The following PRDM2 variants were observed in gnomAD, a reference collection of about 807,000 sequenced individuals.
PRDM2 encodes PR/SET domain 2, also known as PR domain zinc finger protein 2.
Under a neutral mutation model 130.0 loss-of-function variants are expected in PRDM2, and 30 were observed. The ratio of observed to expected loss-of-function variants is 0.23; its 90% CI spans 0.17 to 0.31. The LOEUF (loss-of-function observed/expected upper bound fraction) is 0.31. Ranked by LOEUF, PRDM2 falls within the 10% of genes least tolerant of loss-of-function variation. PRDM2 has a pLI of 1.00. For synonymous variants in PRDM2, 871 were observed against 782.4 expected (o/e 1.11, Z -1.89); for missense variants, 2,011 against 2,108.4 (o/e 0.95, Z 0.90).
chr1:13,761,052 C>T (rs1390358397), intron 6 of PRDM2, among the ~76,000 whole-genome samples: 1 of 152,248 alleles, frequency 6.6e-6, no homozygotes, highest in East Asian at 1.9e-4. Flanking sequence ...CTGCTTCTCT[C>T]TTAAAAGCTG....
chr1:13,711,162 T>C (rs1642359536), intron 1 of PRDM2, among the ~76,000 whole-genome samples: 1 of 152,158 alleles, frequency 6.6e-6, no homozygotes, highest in African/African-American at 2.4e-5. Flanking sequence ...TCTCTGCCTC[T>C]GCACTGCTGG....
rs764302540 is a variant in PRDM2, at chr1:13,823,429, T to A, written c.*294T>A. 16 of 550,946 alleles carry A rather than the reference T, an allele frequency of 2.9e-5. No individual in the cohort carries two copies. The highest frequency in any genetic ancestry group is 5.2e-5 in the Non-Finnish European group (16 of 307,926). The allele number at this position is 550,946 out of a possible 1,614,324, so 34.1% of individuals were successfully genotyped here. ...GGATGCAGCTCTTGGGACCGTGTTC[T>A]GCAGCCCAGCCTTCCTGTTGGGGTG... On this transcript the variant is annotated 3_prime_UTR_variant, in exon 10 of 10. Coordinates refer to ENST00000311066, the MANE Select transcript of PRDM2 (RefSeq NM_001393986.1).
At chr1:13,766,209 C>G (rs1026688602) in intron 6 of PRDM2, among the ~76,000 whole-genome samples, 7 of 152,138 alleles carry the variant, frequency 4.6e-5, no homozygotes, top group African/African-American at 1.7e-4. Context: ...ATGCTTTTGT[C>G]AAAGCCTTTC....
At chr1:13,717,550 A>G (rs932170725) in intron 2 of PRDM2, 1 of 523,280 alleles carries the variant, frequency 1.9e-6, no homozygotes, top group Non-Finnish European at 2.5e-6. Context: ...ATTCTTGTAC[A>G]GTATTAGACT....
At chr1:13,746,232 G>T (rs1009455655) in intron 5 of PRDM2, among the ~76,000 whole-genome samples, 1 of 151,628 alleles carries the variant, frequency 6.6e-6, no homozygotes, top group African/African-American at 2.4e-5. Context: ...AAAAGAGGTT[G>T]TTTGGTCTTT....
rs757208694 is a variant in PRDM2, at chr1:13,782,045, T to G, written c.4250T>G (p.Leu1417Arg). The G allele has an allele frequency of 3.7e-5, 59 of 1,613,636 alleles. No homozygotes were observed. Among genetic ancestry groups the G allele is most frequent in the Non-Finnish European group, 4.7e-5 (55 of 1,179,964 alleles). The change falls in exon 8 of 10, where the codon CTC (leucine) becomes CGC (arginine). Residue 1417 changes from leucine (L) to arginine (R), a missense_variant. By Grantham distance (102) the Leu-to-Arg change is moderately radical. Transcript: ENST00000311066. ...CTCAGCAAAATGTCGTCGAATAAGC[T>G]CAAATTAAATGCATTGAAGAAAAAA... is the stretch of plus-strand genomic sequence containing the variant. ...VELSKMSSNK[L>R]KLNALKKKNQ...
At chr1:13,710,147 T>G (rs767476366) in intron 1 of PRDM2, among the ~76,000 whole-genome samples, 23 of 152,246 alleles carry the variant, frequency 1.5e-4, no homozygotes, top group Admixed American at 2.0e-4. Context: ...AGTTTAAGTG[T>G]TACATGCATT....
At chr1:13,774,072 G>A (rs1259215743) in intron 7 of PRDM2, among the ~76,000 whole-genome samples, 1 of 152,144 alleles carries the variant, frequency 6.6e-6, no homozygotes, top group Admixed American at 6.5e-5. Flanking sequence ...GTCTCTTCGT[G>A]TTTGTCCCCT....
intron 8 of PRDM2, among the ~76,000 whole-genome samples, chr1:13,810,446 C>T (rs968188124): frequency 6.6e-6 from 1 of 152,026 alleles, no homozygotes; most frequent in African/African-American, 2.4e-5. Flanking sequence ...ATTGTGTGTA[C>T]AGTAAGAACA....
Position 13,823,209 on chromosome 1 carries a change from C to T in PRDM2, c.*74C>T. 1 of 1,612,432 alleles carries T rather than the reference C, an allele frequency of 6.2e-7. No homozygotes were observed. Among genetic ancestry groups the T allele is most frequent in the Non-Finnish European group, 8.5e-7 (1 of 1,178,642 alleles). ...AAGCCAAAGGGACTGGCAGTCTGCC[C>T]TGCAGGGAGTACCGACCTATCCCAG... On this transcript the variant is annotated 3_prime_UTR_variant, in exon 10 of 10. Coordinates refer to ENST00000311066, the MANE Select transcript of PRDM2 (RefSeq NM_001393986.1).
At chr1:13,800,573 GAGA>G (rs1244261106) in intron 8 of PRDM2, among the ~76,000 whole-genome samples, 5 of 152,212 alleles carry the variant, frequency 3.3e-5, no homozygotes, top group African/African-American at 9.6e-5. Flanking sequence ...CCAGGGAACA[GAGA>G]AGGGCTGCCA....
intron 1 of PRDM2, among the ~76,000 whole-genome samples, chr1:13,711,711 CT>C (rs1642376708): frequency 6.6e-6 from 1 of 152,024 alleles, no homozygotes; most frequent in Non-Finnish European, 1.5e-5. Context: ...ATTTACAGTG[CT>C]TTTGTTGTTG....
At position 13,755,854 on chromosome 1, in the gene PRDM2, G is replaced by T. The variant is rs541712936; in HGVS notation, c.511+6367G>T. ...TTTCTGTGTTGCCCAGGTTGGACTC[G>T]AACTCCTGAGCTCAAGCTGTCTCCC... is the stretch of plus-strand genomic sequence containing the variant. On this transcript the variant is annotated intron_variant, in intron 6 of 9. Coordinates refer to ENST00000311066, the MANE Select transcript of PRDM2 (RefSeq NM_001393986.1). Among the ~76,000 whole-genome samples the T allele has an allele frequency of 4.6e-5, 7 of 151,922 alleles. 1 individual carries two copies. In the South Asian group the frequency reaches 1.2e-3, roughly 27 times the overall value.
At chr1:13,770,132 C>T (rs796152756) in intron 6 of PRDM2, among the ~76,000 whole-genome samples, 31 of 152,258 alleles carry the variant, frequency 2.0e-4, no homozygotes, top group African/African-American at 7.5e-4. Context: ...GGAGATGTAC[C>T]TACTGCAAAT....
intron 8 of PRDM2, among the ~76,000 whole-genome samples, chr1:13,796,388 C>G (rs1644922749): frequency 6.6e-6 from 1 of 152,194 alleles, no homozygotes; most frequent in Non-Finnish European, 1.5e-5. Flanking sequence ...AGAGATCTCC[C>G]AAGGACCTCC....
intron 6 of PRDM2, among the ~76,000 whole-genome samples, chr1:13,762,120 T>G (rs1171401024): frequency 1.3e-5 from 2 of 152,274 alleles, no homozygotes; most frequent in Non-Finnish European, 2.9e-5. Flanking sequence ...TTATTGAGTC[T>G]GTGCCAGGCA....
intron 6 of PRDM2, among the ~76,000 whole-genome samples, chr1:13,770,050 G>A (rs1644322917): frequency 1.3e-5 from 2 of 152,240 alleles, no homozygotes; most frequent in African/African-American, 4.8e-5. Flanking sequence ...CGTTCATGCT[G>A]CGGTTGAGGC....
At chr1:13,735,720 T>C (rs1239655033) in intron 4 of PRDM2, among the ~76,000 whole-genome samples, 1 of 152,204 alleles carries the variant, frequency 6.6e-6, no homozygotes, top group African/African-American at 2.4e-5. Flanking sequence ...CACTGACATA[T>C]CATTATTACC....
At chr1:13,786,750 G>T in intron 8 of PRDM2, 1 of 1,392,094 alleles carries the variant, frequency 7.2e-7, no homozygotes, top group Non-Finnish European at 9.3e-7. Context: ...GGGTGATTGA[G>T]ATCCAAAGAG....
Sources: allele counts gnomAD v4.1 joint callset (sites outside exome capture counted in the v4.1 genomes callset), GRCh38; gene constraint gnomAD v4.1.1; transcripts MANE v1.5; gene names NCBI Gene and HGNC (gene_info 2026-07-23, HGNC 2026-07-21).